Variants in ERC2 observed in about 807,000 individuals in gnomAD.
The protein encoded by ERC2 is ELKS/RAB6-interacting/CAST family member 2.
Under a neutral mutation model 114.8 loss-of-function variants are expected in ERC2, and 42 were observed. The observed-to-expected ratio is 0.37, with a 90% CI of 0.29 to 0.47. The LOEUF is 0.47. Ranked by LOEUF, ERC2 falls within the 20% of genes least tolerant of loss-of-function variation. The probability of loss-of-function intolerance (pLI) is 0.99; values close to 1 mark genes in which losing one functional copy is unlikely to be tolerated. For synonymous variants in ERC2, 454 were observed against 425.5 expected, an observed-to-expected ratio of 1.07 and a Z score of -0.82; for missense variants, 939 against 1,150.7, an observed-to-expected ratio of 0.82 and a Z score of 2.66.
chr3:56,128,415 T>C (rs1035462949), intron 6 of ERC2, among the ~76,000 whole-genome samples: 14 of 152,184 alleles, frequency 9.2e-5, no homozygotes, highest in African/African-American at 3.1e-4. Context: ...GGAGATCCAA[T>C]AAAAAGCTTA....
intron 13 of ERC2, among the ~76,000 whole-genome samples, chr3:55,902,406 G>A (rs968622910): frequency 2.0e-5 from 3 of 152,068 alleles, no homozygotes; most frequent in Non-Finnish European, 4.4e-5. Context: ...CATGGAAAAA[G>A]TTCTTAATTG....
At chr3:55,554,454 C>T (rs986796697) in intron 17 of ERC2, among the ~76,000 whole-genome samples, 14 of 152,128 alleles carry the variant, frequency 9.2e-5, no homozygotes, top group Admixed American at 2.6e-4. Context: ...GAGGTGCAGA[C>T]GGGACCTGAA....
chr3:56,455,680 T>A (rs1390370062), intron 1 of ERC2, among the ~76,000 whole-genome samples: 1 of 152,240 alleles, frequency 6.6e-6, no homozygotes, highest in East Asian at 1.9e-4. Flanking sequence ...TCATAGTAGA[T>A]ACTTAATATG....
chr3:56,135,601 T>C (rs530108999), intron 6 of ERC2, among the ~76,000 whole-genome samples: 12 of 152,238 alleles, frequency 7.9e-5, no homozygotes, highest in Non-Finnish European at 1.8e-4. Context: ...ATGAGGCTGA[T>C]ACAATGACTG....
At chr3:56,022,076 G>A (rs961071052) in intron 7 of ERC2, among the ~76,000 whole-genome samples, 4 of 152,122 alleles carry the variant, frequency 2.6e-5, no homozygotes, top group Admixed American at 6.6e-5. Context: ...ATATTCCACT[G>A]GGTATATACC....
intron 3 of ERC2, among the ~76,000 whole-genome samples, chr3:56,196,348 G>C (rs1417777559): frequency 6.6e-6 from 1 of 152,092 alleles, no homozygotes; most frequent in Non-Finnish European, 1.5e-5. Context: ...TTGTGATCTT[G>C]AGAGGAAAAG....
chr3:56,100,556 A>C (rs1455671674), intron 6 of ERC2, among the ~76,000 whole-genome samples: 1 of 152,278 alleles, frequency 6.6e-6, no homozygotes. Context: ...TGCTGGGAAA[A>C]GATATTTCAT....
At chr3:55,620,583 C>T (rs2059286728) in intron 17 of ERC2, among the ~76,000 whole-genome samples, 1 of 152,156 alleles carries the variant, frequency 6.6e-6, no homozygotes, top group Non-Finnish European at 1.5e-5. Flanking sequence ...TAATCTAAAA[C>T]ATCTCTTCTT....
intron 16 of ERC2, among the ~76,000 whole-genome samples, chr3:55,698,558 T>C (rs949887492): frequency 6.6e-6 from 1 of 152,078 alleles, no homozygotes; most frequent in African/African-American, 2.4e-5. Flanking sequence ...ATCCAGATGG[T>C]TCTATTTTGT....
At chr3:55,880,840 G>A (rs1007974772) in intron 14 of ERC2, among the ~76,000 whole-genome samples, 2 of 151,622 alleles carry the variant, frequency 1.3e-5, no homozygotes, top group Non-Finnish European at 2.9e-5. Context: ...AGGCCAAGTT[G>A]TAAATTAAAG....
At chr3:56,080,496 C>T (rs1280311302) in intron 7 of ERC2, among the ~76,000 whole-genome samples, 1 of 152,098 alleles carries the variant, frequency 6.6e-6, no homozygotes, top group East Asian at 1.9e-4. Context: ...ATTGCTAACT[C>T]TCAGGAAGAA....
intron 17 of ERC2, chr3:55,610,707 C>T (rs2058877161): frequency 6.6e-6 from 1 of 152,094 alleles, no homozygotes; most frequent in Non-Finnish European, 1.5e-5. Flanking sequence ...ACCTTGACTC[C>T]AAAATAGCAA....
chr3:55,894,436 C>T (rs1227972241), intron 13 of ERC2, among the ~76,000 whole-genome samples: 4 of 152,076 alleles, frequency 2.6e-5, no homozygotes, highest in Non-Finnish European at 5.9e-5. Context: ...ATAGAATTGA[C>T]TTTTTTAAAA....
At chr3:55,910,463 T>G (rs2064736502) in intron 13 of ERC2, among the ~76,000 whole-genome samples, 1 of 151,986 alleles carries the variant, frequency 6.6e-6, no homozygotes, top group Non-Finnish European at 1.5e-5. Context: ...CATTAATGTG[T>G]GTATATATGT....
intron 1 of ERC2, among the ~76,000 whole-genome samples, chr3:56,450,265 T>C (rs1193180413): frequency 6.6e-6 from 1 of 152,236 alleles, no homozygotes; most frequent in Non-Finnish European, 1.5e-5. Context: ...TGTGTAGATT[T>C]AGCATGATTA....
At chr3:55,541,844 A>T (rs2054417587) in intron 17 of ERC2, among the ~76,000 whole-genome samples, 2 of 152,230 alleles carry the variant, frequency 1.3e-5, no homozygotes, top group Admixed American at 1.3e-4. Flanking sequence ...AGACAGGTCA[A>T]TGTGTTAATA....
chr3:56,408,870 C>G (rs2060828662), intron 2 of ERC2, among the ~76,000 whole-genome samples: 1 of 152,226 alleles, frequency 6.6e-6, no homozygotes, highest in Non-Finnish European at 1.5e-5. Context: ...GTTGCAAAGG[C>G]CCTAAGGCAC....
chr3:55,598,783 C>G (rs570467999), intron 17 of ERC2, among the ~76,000 whole-genome samples: 1 of 152,358 alleles, frequency 6.6e-6, no homozygotes, highest in South Asian at 2.1e-4. Flanking sequence ...GATGGGGCTG[C>G]TGTAGGGGCA....
At chr3:56,382,136 A>G (rs140244387) in intron 2 of ERC2, among the ~76,000 whole-genome samples, 1 of 152,040 alleles carries the variant, frequency 6.6e-6, no homozygotes, top group Non-Finnish European at 1.5e-5. Context: ...CAACTCACGG[A>G]CTTGCATCTC....
Sources: gnomAD v4.1 joint callset for allele counts (sites outside exome capture counted in the v4.1 genomes callset) on GRCh38, gnomAD v4.1.1 for gene constraint, MANE v1.5 for transcripts, NCBI Gene and HGNC (gene_info 2026-07-23, HGNC 2026-07-21) for gene names.